WWOX: variants seen among roughly 807,000 people sequenced by gnomAD.
WWOX encodes WW domain-containing oxidoreductase.
WWOX carries 69 observed loss-of-function variants against 46.2 expected under a neutral mutation model. The ratio of observed to expected loss-of-function variants is 1.49; its 90% CI spans 1.23 to 1.82. The LOEUF (loss-of-function observed/expected upper bound fraction) is 1.82. Among genes scored for constraint, WWOX ranks in the 40% most tolerant of loss-of-function variants. The pLI is 0.00. For missense variants in WWOX, 919 were observed against 542.6 expected, an observed-to-expected ratio of 1.69 and a Z score of -6.89; for synonymous variants, 359 against 202.6, an observed-to-expected ratio of 1.77 and a Z score of -6.56.
At chr16:78,622,598 C>G (rs1210621207) in intron 8 of WWOX, among the ~76,000 whole-genome samples, 2 of 151,886 alleles carry the variant, frequency 1.3e-5, no homozygotes, top group Non-Finnish European at 2.9e-5. Context: ...CAGATGGACC[C>G]TAAGACGGCC....
At chr16:78,394,295 C>G (rs1454366565) in intron 6 of WWOX, among the ~76,000 whole-genome samples, 1 of 152,122 alleles carries the variant, frequency 6.6e-6, no homozygotes, top group Non-Finnish European at 1.5e-5. Flanking sequence ...AAAACAGAGG[C>G]AGTTTTTTGC....
At chr16:78,908,014 T>A (rs1024991883) in intron 8 of WWOX, among the ~76,000 whole-genome samples, 1 of 152,192 alleles carries the variant, frequency 6.6e-6, no homozygotes, top group African/African-American at 2.4e-5. Context: ...ATCTCATTTG[T>A]CCAGGTATTT....
chr16:78,378,366 G>T (rs942426682), intron 5 of WWOX, among the ~76,000 whole-genome samples: 1 of 152,148 alleles, frequency 6.6e-6, no homozygotes, highest in Non-Finnish European at 1.5e-5. Flanking sequence ...CTCCCCATCA[G>T]ACTGGCACAT....
chr16:78,533,130 G>A (rs2043664197), intron 8 of WWOX, among the ~76,000 whole-genome samples: 1 of 152,028 alleles, frequency 6.6e-6, no homozygotes, highest in Non-Finnish European at 1.5e-5. Flanking sequence ...CCTCTCAATG[G>A]CTAAACCAAC....
chr16:78,857,127 T>C (rs12935055), intron 8 of WWOX, among the ~76,000 whole-genome samples: 107,878 of 152,134 alleles, frequency 0.71, 38,826 homozygotes, highest in Middle Eastern at 0.84. Flanking sequence ...CAGTGTGTGA[T>C]AGTGCTTAAA....
chr16:78,443,894 G>A (rs1235396271), intron 8 of WWOX, among the ~76,000 whole-genome samples: 2 of 152,060 alleles, frequency 1.3e-5, no homozygotes, highest in South Asian at 2.1e-4. Flanking sequence ...TGGCTGCAAC[G>A]CAGTTTAGAT....
chr16:79,138,226 G>T (rs1052906768), intron 8 of WWOX, among the ~76,000 whole-genome samples: 2 of 152,178 alleles, frequency 1.3e-5, no homozygotes, highest in African/African-American at 4.8e-5. Context: ...AGTCATTCCA[G>T]TTGGGGAAGG....
At chr16:78,683,717 C>T (rs1027740852) in intron 8 of WWOX, among the ~76,000 whole-genome samples, 1 of 152,070 alleles carries the variant, frequency 6.6e-6, no homozygotes, top group African/African-American at 2.4e-5. Flanking sequence ...TTTTCAATAC[C>T]ATTGATAAGT....
intron 6 of WWOX, among the ~76,000 whole-genome samples, chr16:78,424,199 C>T (rs1597214705): frequency 6.9e-6 from 1 of 144,748 alleles, no homozygotes; most frequent in East Asian, 2.1e-4. Context: ...CTCACTGCAA[C>T]CTCTGCCTCC....
At chr16:78,565,247 G>C (rs1385812308) in intron 8 of WWOX, among the ~76,000 whole-genome samples, 1 of 152,176 alleles carries the variant, frequency 6.6e-6, no homozygotes, top group South Asian at 2.1e-4. Flanking sequence ...AAACGTACTG[G>C]CTTTAAACAA....
chr16:78,761,062 G>T (rs72799984), intron 8 of WWOX, among the ~76,000 whole-genome samples: 1 of 152,084 alleles, frequency 6.6e-6, no homozygotes, highest in African/African-American at 2.4e-5. Context: ...CCTACAACAC[G>T]TAAGAATTAT....
At chr16:78,337,065 G>GC (rs1483478562) in intron 5 of WWOX, among the ~76,000 whole-genome samples, 1 of 152,178 alleles carries the variant, frequency 6.6e-6, no homozygotes, top group African/African-American at 2.4e-5. Context: ...ACAGGTGTCA[G>GC]CTAGTGCACC....
intron 8 of WWOX, among the ~76,000 whole-genome samples, chr16:78,590,012 C>T (rs959404539): frequency 3.3e-4 from 50 of 152,110 alleles, no homozygotes; most frequent in African/African-American, 1.1e-3. Flanking sequence ...TTTTGTGTTG[C>T]TTCTTACGTG....
chr16:78,398,249 C>G (rs959165912), intron 6 of WWOX, among the ~76,000 whole-genome samples: 1 of 152,142 alleles, frequency 6.6e-6, no homozygotes, highest in Non-Finnish European at 1.5e-5. Context: ...CCCACCCAGG[C>G]CTCTGGGATC....
intron 8 of WWOX, among the ~76,000 whole-genome samples, chr16:78,861,027 C>G (rs1296169274): frequency 6.6e-6 from 1 of 151,976 alleles, no homozygotes; most frequent in Admixed American, 6.6e-5. Context: ...GCCATGTTTC[C>G]TAGGCTTGTC....
chr16:78,400,329 A>G (rs1456539120), intron 6 of WWOX, among the ~76,000 whole-genome samples: 1 of 152,208 alleles, frequency 6.6e-6, no homozygotes, highest in Admixed American at 6.5e-5. Context: ...CCAGGCTAAT[A>G]GAAAAGCAGT....
chr16:78,973,994 T>C (rs185731212), intron 8 of WWOX, among the ~76,000 whole-genome samples: 57 of 152,372 alleles, frequency 3.7e-4, no homozygotes, highest in African/African-American at 1.3e-3. Flanking sequence ...GTCAGCTTTC[T>C]TTTCCCTAGC....
At chr16:78,433,764 T>A (rs1194210758) in intron 8 of WWOX, among the ~76,000 whole-genome samples, 1 of 149,690 alleles carries the variant, frequency 6.7e-6, no homozygotes, top group Non-Finnish European at 1.5e-5. Context: ...TTAACCTTCG[T>A]ATTTGGGGAT....
chr16:79,183,675 C>G (rs1429237934), intron 8 of WWOX, among the ~76,000 whole-genome samples: 2 of 152,188 alleles, frequency 1.3e-5, no homozygotes, highest in Non-Finnish European at 2.9e-5. Context: ...TGTGTGAACT[C>G]TGCATGTTTC....
Sources: allele counts gnomAD v4.1 joint callset (sites outside exome capture counted in the v4.1 genomes callset), GRCh38; gene constraint gnomAD v4.1.1; transcripts MANE v1.5; gene names NCBI Gene and HGNC (gene_info 2026-07-23, HGNC 2026-07-21).